Variants in MAD1L1 observed in about 807,000 individuals in gnomAD.
The protein encoded by MAD1L1 is mitotic spindle assembly checkpoint protein MAD1.
A neutral mutation model predicts 96.9 loss-of-function variants in MAD1L1; 95 were observed. The ratio of observed to expected loss-of-function variants is 0.98; its 90% CI spans 0.83 to 1.16. The LOEUF (loss-of-function observed/expected upper bound fraction) is 1.16. MAD1L1 is among the 50% of genes most tolerant of loss of function. The pLI is 0.00. For synonymous variants in MAD1L1, 473 were observed against 396.6 expected, an observed-to-expected ratio of 1.19 and a Z score of -2.29; for missense variants, 1,007 against 954.4, an observed-to-expected ratio of 1.06 and a Z score of -0.73.
intron 4 of MAD1L1, among the ~76,000 whole-genome samples, chr7:2,224,384 C>T (rs1168100314): frequency 1.3e-5 from 2 of 152,152 alleles, no homozygotes; most frequent in Non-Finnish European, 1.5e-5. Flanking sequence ...CATGAGCAAA[C>T]GCCCCACCTC....
chr7:1,887,623 G>A lies in MAD1L1; in HGVS notation c.1998+10577C>T, dbSNP rs563926665. Among the ~76,000 whole-genome samples, 140 of 150,694 alleles carry A rather than the reference G, an allele frequency of 9.3e-4. No homozygotes were observed. The Middle Eastern group carries it at 0.011, about 11-fold the overall frequency. Reference sequence around the variant, plus strand: ...TGCGTGTATGTGGCTGCCTGTGCATGGGCATGTGTGTGCATGCATGCATGT... The same window carrying A: ...TGCGTGTATGTGGCTGCCTGTGCATAGGCATGTGTGTGCATGCATGCATGT... On this transcript the variant is annotated intron_variant, in intron 18 of 18. Transcript: ENST00000265854.
intron 17 of MAD1L1, among the ~76,000 whole-genome samples, chr7:1,925,455 C>T (rs1249964535): frequency 3.3e-5 from 5 of 152,188 alleles, no homozygotes; most frequent in Admixed American, 6.5e-5. Flanking sequence ...GCTGGCAAGT[C>T]CGAGATCAAG....
chr7:2,018,531 C>T (rs1281010336), intron 12 of MAD1L1, among the ~76,000 whole-genome samples: 4 of 152,194 alleles, frequency 2.6e-5, no homozygotes, highest in Non-Finnish European at 4.4e-5. Flanking sequence ...GTGAGGCAGG[C>T]GCCCAGCACT....
intron 17 of MAD1L1, among the ~76,000 whole-genome samples, chr7:1,904,484 A>C (rs1787492531): frequency 7.3e-6 from 1 of 137,244 alleles, no homozygotes; most frequent in African/African-American, 3.2e-5. Context: ...CCAGGCAGCG[A>C]GGACGCAGTG....
At chr7:1,853,149 G>C (rs1485393225) in intron 18 of MAD1L1, among the ~76,000 whole-genome samples, 1 of 152,220 alleles carries the variant, frequency 6.6e-6, no homozygotes, top group Non-Finnish European at 1.5e-5. Flanking sequence ...GGATGTACAG[G>C]AGGTGGGGGC....
chr7:2,038,664 C>G (rs558209585), intron 12 of MAD1L1, among the ~76,000 whole-genome samples: 5 of 151,994 alleles, frequency 3.3e-5, no homozygotes, highest in Admixed American at 1.3e-4. Flanking sequence ...AAGTGTGTGC[C>G]ACCACGCCTC....
At chr7:2,143,809 T>G (rs1487432804) in intron 11 of MAD1L1, among the ~76,000 whole-genome samples, 1 of 152,118 alleles carries the variant, frequency 6.6e-6, no homozygotes, top group East Asian at 1.9e-4. Flanking sequence ...GGAATGCACT[T>G]CTGGGAAAGC....
At chr7:2,194,858 G>T (rs1346969596) in intron 10 of MAD1L1, among the ~76,000 whole-genome samples, 1 of 152,146 alleles carries the variant, frequency 6.6e-6, no homozygotes, top group Non-Finnish European at 1.5e-5. Context: ...CAGATCACCT[G>T]AAGTTAGGAG....
chr7:1,940,953 T>G (rs1778938438), intron 16 of MAD1L1, among the ~76,000 whole-genome samples: 1 of 150,814 alleles, frequency 6.6e-6, no homozygotes, highest in Non-Finnish European at 1.5e-5. Flanking sequence ...CACCCTCCTC[T>G]TCCTCCCCCC....
chr7:2,071,412 C>G (rs1785121064), intron 11 of MAD1L1, among the ~76,000 whole-genome samples: 1 of 152,228 alleles, frequency 6.6e-6, no homozygotes, highest in South Asian at 2.1e-4. Context: ...ACGCGGGCGT[C>G]TCATTTCAGC....
rs559897643 is a variant in MAD1L1, at chr7:2,116,235, G to A, written c.1073+32917C>T. 3.8e-4 allele frequency among the ~76,000 whole-genome samples: 58 copies of A among 152,330 alleles called. 1 individual carries two copies. The South Asian group carries it at 8.9e-3, about 23-fold the overall frequency. Reference sequence around the variant, plus strand: ...GGAGCGAGAGCCAGGCCCAGGGAGCGGAGTGCGTGGGTGCAGCTGGAGGGC... The same window carrying A: ...GGAGCGAGAGCCAGGCCCAGGGAGCAGAGTGCGTGGGTGCAGCTGGAGGGC... On this transcript the variant is annotated intron_variant, in intron 11 of 18. Transcript: ENST00000265854.
intron 16 of MAD1L1, among the ~76,000 whole-genome samples, chr7:1,938,903 G>T (rs6461026): frequency 3.7e-5 from 3 of 81,878 alleles, no homozygotes; most frequent in Admixed American, 1.3e-4. Flanking sequence ...CCAGAGGCGC[G>T]CACACACACA....
At chr7:1,837,858 C>T (rs1313248932) in intron 18 of MAD1L1, among the ~76,000 whole-genome samples, 5 of 152,320 alleles carry the variant, frequency 3.3e-5, no homozygotes, top group Admixed American at 2.0e-4. Flanking sequence ...GATGGCCTCA[C>T]GGGTGCGTGT....
rs922993996 is a variant in MAD1L1 at position 2,103,304 on chromosome 7, A to G, written c.1074-33966T>C. Among the ~76,000 whole-genome samples, 5 of 151,826 alleles carry G rather than the reference A, an allele frequency of 3.3e-5. No homozygotes were observed. The highest frequency in any genetic ancestry group is 7.4e-5 in the Non-Finnish European group (5 of 67,954). On this transcript the variant is annotated intron_variant, in intron 11 of 18. Transcript: ENST00000265854. This position sits in a 1 kb window ranked among gnomAD's most constrained non-coding sequence, Gnocchi z 4.3. ...GGCTGCCCCGACGGGCCCTGCACAC[A>G]CAGTCATACCTGCGCTCCTGCACTC... is the stretch of plus-strand genomic sequence containing the variant.
At chr7:1,980,091 G>C (rs1376674498) in intron 15 of MAD1L1, among the ~76,000 whole-genome samples, 2 of 152,232 alleles carry the variant, frequency 1.3e-5, no homozygotes, top group East Asian at 3.9e-4. Context: ...GGAGCACACA[G>C]AGAAGGTCAC....
At chr7:2,024,292 A>C (rs1314390733) in intron 12 of MAD1L1, among the ~76,000 whole-genome samples, 3 of 152,124 alleles carry the variant, frequency 2.0e-5, no homozygotes, top group African/African-American at 7.2e-5. Context: ...GAACCACCAA[A>C]ACTCACATGA....
At chr7:2,185,032 G>A (rs1625464) in intron 10 of MAD1L1, among the ~76,000 whole-genome samples, 135,116 of 152,178 alleles carry the variant, frequency 0.89, 60,093 homozygotes, top group African/African-American at 0.94. Flanking sequence ...AAAATAAAAT[G>A]TAATGTACCA....
chr7:1,856,271 G>A (rs1340164079), intron 18 of MAD1L1, among the ~76,000 whole-genome samples: 1 of 152,188 alleles, frequency 6.6e-6, no homozygotes, highest in Non-Finnish European at 1.5e-5. Context: ...GTTGGGCGCA[G>A]GGAGAAATGA....
intron 10 of MAD1L1, among the ~76,000 whole-genome samples, chr7:2,190,578 A>G (rs1562355770): frequency 6.6e-6 from 1 of 152,242 alleles, no homozygotes; most frequent in South Asian, 2.1e-4. Context: ...AGACTCTGTC[A>G]TGAATATATA....
Sources: allele counts gnomAD v4.1 joint callset (sites outside exome capture counted in the v4.1 genomes callset), GRCh38; gene constraint gnomAD v4.1.1; non-coding constraint Gnocchi (gnomAD v3.1); transcripts MANE v1.5; gene names NCBI Gene and HGNC (gene_info 2026-07-23, HGNC 2026-07-21).